MEGF11: variants seen among roughly 807,000 people sequenced by gnomAD.
MEGF11 encodes the protein multiple EGF like domains 11.
Under a neutral mutation model 146.6 loss-of-function variants are expected in MEGF11, and 126 were observed. The observed-to-expected ratio is 0.86, with a 90% CI of 0.74 to 1.00. MEGF11 has a LOEUF of 1.00. Ranked by LOEUF, MEGF11 falls within the 50% of genes least tolerant of loss-of-function variation. The pLI, the probability that MEGF11 is intolerant of heterozygous loss-of-function variation, is 0.00. For synonymous variants in MEGF11, 532 were observed against 583.4 expected (o/e 0.91, Z 1.27); for missense variants, 1,509 against 1,521.2 (o/e 0.99, Z 0.13).
At chr15:65,930,150 G>T (rs1225497116) in intron 11 of MEGF11, among the ~76,000 whole-genome samples, 1 of 152,186 alleles carries the variant, frequency 6.6e-6, no homozygotes, top group African/African-American at 2.4e-5. Context: ...GCTCAGGTGG[G>T]GAGTGCTGTT....
At chr15:65,980,928 A>G (rs1445989429) in intron 6 of MEGF11, 30 bp from the exon 7 acceptor site, 2 of 1,531,426 alleles carry the variant, frequency 1.3e-6, no homozygotes, top group Middle Eastern at 3.5e-4. Context: ...TGTTAGACAC[A>G]GCAGCATTCA....
rs79528059 is a variant in MEGF11 at position 66,078,000 on chromosome 15, T to C, written c.394+16402A>G. On this transcript the variant is annotated intron_variant, in intron 5 of 25. Coordinates refer to ENST00000395614, the MANE Select transcript of MEGF11 (RefSeq NM_001385028.1). ...GAGCAGGGACACAGGTGTGGCCCAA[T>C]TGGCGTTTCAGTAGCCTCCCCACCT... Among the ~76,000 whole-genome samples, 163 of 152,158 alleles carry C rather than the reference T, an allele frequency of 1.1e-3. 4 individuals are homozygous for C. In the East Asian group the frequency reaches 0.016, roughly 15 times the overall value.
intron 5 of MEGF11, among the ~76,000 whole-genome samples, chr15:66,092,865 C>T (rs1405484318): frequency 6.6e-6 from 1 of 152,254 alleles, no homozygotes; most frequent in Admixed American, 6.5e-5. Flanking sequence ...CCCAGCAGGG[C>T]TGACCTAATC....
chr15:66,125,197 C>A (rs930706149), intron 2 of MEGF11, among the ~76,000 whole-genome samples: 1 of 152,152 alleles, frequency 6.6e-6, no homozygotes, highest in South Asian at 2.1e-4. Flanking sequence ...CTCTGAAGCA[C>A]TGGGGATGTA....
chr15:66,112,053 G>A (rs1376873722), intron 4 of MEGF11, among the ~76,000 whole-genome samples: 1 of 150,064 alleles, frequency 6.7e-6, no homozygotes, highest in African/African-American at 2.5e-5. Flanking sequence ...GGGCATAAGG[G>A]AGGGAAGAAA....
intron 1 of MEGF11, among the ~76,000 whole-genome samples, chr15:66,216,408 G>A (rs1024517527): frequency 1.3e-5 from 2 of 152,164 alleles, no homozygotes; most frequent in Non-Finnish European, 2.9e-5. Flanking sequence ...GGTCACATAC[G>A]AACTCCCTTC....
chr15:66,102,448 T>C (rs34922475), intron 4 of MEGF11, among the ~76,000 whole-genome samples: 55,460 of 142,002 alleles, frequency 0.39, 10,004 homozygotes, highest in South Asian at 0.51. Context: ...TTTTTTTTTT[T>C]TTTGAGACAG....
chr15:66,052,596 C>T (rs553370945), intron 5 of MEGF11, among the ~76,000 whole-genome samples: 4 of 152,320 alleles, frequency 2.6e-5, no homozygotes, highest in African/African-American at 9.6e-5. Context: ...ATGCCTCCTT[C>T]TCGATGCTTT....
intron 1 of MEGF11, among the ~76,000 whole-genome samples, chr15:66,236,435 A>C (rs752679843): frequency 6.6e-6 from 1 of 152,168 alleles, no homozygotes; most frequent in Non-Finnish European, 1.5e-5. Flanking sequence ...GGGAGGGAAA[A>C]GACATCACAG....
chr15:66,023,152 A>AAAC (rs1555462461), intron 5 of MEGF11, among the ~76,000 whole-genome samples: 11 of 143,160 alleles, frequency 7.7e-5, no homozygotes, highest in Middle Eastern at 7.2e-3. Context: ...AAAAAAAAAA[A>AAAC]AAACAAACTT....
At chr15:65,901,942 T>C (rs1399166223) in intron 24 of MEGF11, 1 of 151,096 alleles carries the variant, frequency 6.6e-6, no homozygotes, top group East Asian at 2.0e-4. Flanking sequence ...ACTCAACCCC[T>C]GTCTTCTCTT....
intron 1 of MEGF11, among the ~76,000 whole-genome samples, chr15:66,162,392 G>C (rs1025286357): frequency 6.6e-6 from 1 of 152,210 alleles, no homozygotes; most frequent in Admixed American, 6.5e-5. Flanking sequence ...GAAAGAGAGA[G>C]AATGGCCCAC....
chr15:65,980,930 C>A, intron 6 of MEGF11, 32 bp from the exon 7 acceptor site: 1 of 1,530,646 alleles, frequency 6.5e-7, no homozygotes, highest in South Asian at 1.3e-5. Context: ...TTAGACACAG[C>A]AGCATTCAGA....
chr15:66,066,215 A>G (rs990948703), intron 5 of MEGF11, among the ~76,000 whole-genome samples: 3 of 152,128 alleles, frequency 2.0e-5, no homozygotes, highest in Non-Finnish European at 4.4e-5. Flanking sequence ...CATTTCCCTG[A>G]GGGCAGCAGC....
At chr15:66,010,197 T>C (rs986245548) in intron 5 of MEGF11, among the ~76,000 whole-genome samples, 1 of 19,146 alleles carries the variant, frequency 5.2e-5, no homozygotes, top group African/African-American at 7.2e-5. Context: ...AAACTCATAA[T>C]TTCTTTTTTT....
intron 23 of MEGF11, among the ~76,000 whole-genome samples, chr15:65,907,873 A>C (rs1319332214): frequency 1.3e-5 from 2 of 152,370 alleles, no homozygotes; most frequent in Middle Eastern, 3.4e-3. Flanking sequence ...CTCTCACTGG[A>C]TACCAGCCTG....
At chr15:65,981,301 C>G (rs554281577) in intron 6 of MEGF11, among the ~76,000 whole-genome samples, 1 of 152,288 alleles carries the variant, frequency 6.6e-6, no homozygotes, top group Non-Finnish European at 1.5e-5. Context: ...TCATGGATCC[C>G]ATCTTTAAGA....
chr15:66,082,799 C>G (rs2085947943), intron 5 of MEGF11, among the ~76,000 whole-genome samples: 1 of 151,976 alleles, frequency 6.6e-6, no homozygotes, highest in Admixed American at 6.6e-5. Context: ...TTCTTTCTTC[C>G]CGCCTCCCTC....
intron 9 of MEGF11, among the ~76,000 whole-genome samples, chr15:65,960,193 A>G (rs1035237557): frequency 2.0e-5 from 3 of 152,260 alleles, no homozygotes; most frequent in Admixed American, 6.5e-5. Context: ...CTTTTGTGCT[A>G]TCTCTGGATT....
Sources: gnomAD v4.1 joint callset for allele counts (sites outside exome capture counted in the v4.1 genomes callset) on GRCh38, gnomAD v4.1.1 for gene constraint, MANE v1.5 for transcripts, NCBI Gene and HGNC (gene_info 2026-07-23, HGNC 2026-07-21) for gene names.